Variants in USO1 observed in about 807,000 individuals in gnomAD.
The protein encoded by USO1 is USO1 vesicle transport factor, also known as general vesicular transport factor p115.
In USO1, 57 loss-of-function variants were observed where a neutral mutation model predicts 124.5. That is an observed-to-expected ratio of 0.46 (90% CI 0.37 to 0.57). The LOEUF (loss-of-function observed/expected upper bound fraction) is 0.57. Ranked by LOEUF, USO1 falls within the 20% of genes least tolerant of loss-of-function variation. USO1 has a pLI of 0.00. For synonymous variants in USO1, 369 were observed against 362.8 expected, an observed-to-expected ratio of 1.02 and a Z score of -0.19; for missense variants, 900 against 1,040.6, an observed-to-expected ratio of 0.86 and a Z score of 1.86.
chr4:75,748,735 G>A (rs116850827), intron 1 of USO1, among the ~76,000 whole-genome samples: 2 of 152,006 alleles, frequency 1.3e-5, no homozygotes, highest in Non-Finnish European at 2.9e-5. Context: ...CTAAGACTAA[G>A]AAGAAGCAGA....
intron 1 of USO1, among the ~76,000 whole-genome samples, chr4:75,728,704 A>G (rs1214006188): frequency 6.6e-6 from 1 of 152,224 alleles, no homozygotes; most frequent in Admixed American, 6.5e-5. Flanking sequence ...TTATCATAGG[A>G]TAGTCAATTC....
At chr4:75,725,816 CTT>C (rs563460789) in intron 1 of USO1, among the ~76,000 whole-genome samples, 75 of 152,246 alleles carry the variant, frequency 4.9e-4, no homozygotes, top group African/African-American at 1.7e-3. Context: ...TAATGGCTAA[CTT>C]TGTTAATGGG....
chr4:75,757,472 A>ATAT, intron 3 of USO1, 25 bp from the exon 4 acceptor site: 1 of 1,466,606 alleles, frequency 6.8e-7, no homozygotes, highest in Admixed American at 2.7e-5. Flanking sequence ...AGCAGTGTAT[A>ATAT]AGTGTAATAA....
chr4:75,747,323 C>A (rs893094948), intron 1 of USO1, among the ~76,000 whole-genome samples: 2 of 152,164 alleles, frequency 1.3e-5, no homozygotes, highest in Non-Finnish European at 2.9e-5. Flanking sequence ...GTCATCCAGG[C>A]TGAAGTACAG....
In USO1 at chr4:75,772,506, G is replaced by A. The variant is rs557350682; in HGVS notation, c.555+1369G>A. The stretch of plus-strand genomic sequence containing the variant: ...CCCACCTCGACCTCCCAAAGTGCTG[G>A]GATTACAGGCGTGAGCCACCGCGCC... On this transcript the variant is annotated intron_variant, in intron 7 of 23. Coordinates refer to ENST00000514213, the MANE Select transcript of USO1 (RefSeq NM_003715.4). Among the ~76,000 whole-genome samples, 45 of 152,022 alleles carry A rather than the reference G, an allele frequency of 3.0e-4. No homozygotes were observed. The Middle Eastern group carries it at 0.01, about 34-fold the overall frequency.
At chr4:75,812,447 T>C in intron 23 of USO1, 72 bp downstream of exon 23, 1 of 1,499,488 alleles carries the variant, frequency 6.7e-7, no homozygotes, top group Non-Finnish European at 8.9e-7. Flanking sequence ...ATTTTTAATG[T>C]AACATGGAAA....
At chr4:75,764,404 C>T (rs766434403) in intron 4 of USO1, among the ~76,000 whole-genome samples, 13 of 152,102 alleles carry the variant, frequency 8.5e-5, no homozygotes, top group Non-Finnish European at 1.8e-4. Context: ...TGCTGAGAAG[C>T]CTGCAGTGAA....
chr4:75,740,919 G>A (rs1384131616), intron 1 of USO1, among the ~76,000 whole-genome samples: 1 of 152,096 alleles, frequency 6.6e-6, no homozygotes, highest in East Asian at 1.9e-4. Context: ...CTACAGTGTT[G>A]TCTTTTGTAT....
At chr4:75,753,339 G>A (rs970929845) in intron 3 of USO1, among the ~76,000 whole-genome samples, 1 of 151,580 alleles carries the variant, frequency 6.6e-6, no homozygotes, top group African/African-American at 2.4e-5. Flanking sequence ...TTCGAGACCA[G>A]CCTGGTCAAA....
rs558220505 is a variant in USO1, at chr4:75,801,227, C to T, written c.1986+27C>T. 27 of 1,531,698 alleles carry T rather than the reference C, an allele frequency of 1.8e-5. No individual in the cohort carries two copies. The South Asian group carries it at 2.3e-4, about 13-fold the overall frequency. The allele number at this position is 1,531,698 out of a possible 1,614,324, so 94.9% of individuals were successfully genotyped here. ...TAAGTACTAATGAACTGTATATACC[C>T]TCTGATTACCAATAGGCACTTTCTG... On this transcript the variant is annotated intron_variant, in intron 17 of 23. Transcript: ENST00000514213.
intron 1 of USO1, among the ~76,000 whole-genome samples, chr4:75,740,408 C>A (rs1720925907): frequency 6.6e-6 from 1 of 152,164 alleles, no homozygotes; most frequent in East Asian, 1.9e-4. Flanking sequence ...CTGCCTCAGC[C>A]TCCTGAGTAG....
At chr4:75,728,038 GAATT>G (rs1720514373) in intron 1 of USO1, among the ~76,000 whole-genome samples, 3 of 152,086 alleles carry the variant, frequency 2.0e-5, no homozygotes, top group Non-Finnish European at 2.9e-5. Flanking sequence ...CTTGTGAAAT[GAATT>G]AATTATAGTT....
At chr4:75,744,146 C>T (rs1190235112) in intron 1 of USO1, among the ~76,000 whole-genome samples, 1 of 152,142 alleles carries the variant, frequency 6.6e-6, no homozygotes. Context: ...TTTCTAAATG[C>T]TTAGTCTCTA....
intron 1 of USO1, among the ~76,000 whole-genome samples, chr4:75,734,484 C>T (rs1484776962): frequency 2.0e-5 from 3 of 152,026 alleles, no homozygotes; most frequent in African/African-American, 4.8e-5. Context: ...TATCCTGTTC[C>T]ATTGCTCCAT....
intron 1 of USO1, among the ~76,000 whole-genome samples, chr4:75,732,566 T>C (rs990792850): frequency 1.1e-4 from 16 of 152,162 alleles, no homozygotes; most frequent in Admixed American, 1.0e-3. Context: ...TTAGCATGGA[T>C]TATTTTAGTC....
intron 1 of USO1, among the ~76,000 whole-genome samples, chr4:75,747,674 A>G (rs1488297770): frequency 3.6e-5 from 5 of 140,266 alleles, no homozygotes; most frequent in South Asian, 2.2e-4. Context: ...CAGTGGCGCA[A>G]TCTTGGCTCA....
At chr4:75,810,002 C>G (rs180675131) in intron 21 of USO1, among the ~76,000 whole-genome samples, 3 of 152,322 alleles carry the variant, frequency 2.0e-5, no homozygotes, top group Admixed American at 2.0e-4. Flanking sequence ...AGTGTCTCCT[C>G]TAGCACTTGA....
At chr4:75,774,890 CT>C in intron 8 of USO1, 94 bp downstream of exon 8, 1 of 1,433,776 alleles carries the variant, frequency 7.0e-7, no homozygotes, top group Non-Finnish European at 9.2e-7. Context: ...AATGGGGACT[CT>C]TATTTATACT....
intron 4 of USO1, among the ~76,000 whole-genome samples, chr4:75,764,603 C>T (rs947080068): frequency 1.3e-5 from 2 of 152,122 alleles, no homozygotes; most frequent in African/African-American, 2.4e-5. Context: ...AAGAATCCAT[C>T]AAGTCTATAT....
Sources: allele counts gnomAD v4.1 joint callset (sites outside exome capture counted in the v4.1 genomes callset), GRCh38; gene constraint gnomAD v4.1.1; transcripts MANE v1.5; gene names NCBI Gene and HGNC (gene_info 2026-07-23, HGNC 2026-07-21).